Variants in CRYBG3 observed in about 807,000 individuals in gnomAD.
CRYBG3 encodes the protein crystallin beta-gamma domain containing 3.
A neutral mutation model predicts 244.2 loss-of-function variants in CRYBG3; 127 were observed. The ratio of observed to expected loss-of-function variants is 0.52; its 90% CI spans 0.45 to 0.60. CRYBG3 has a LOEUF of 0.60. Ranked by LOEUF, CRYBG3 falls within the 20% of genes least tolerant of loss-of-function variation. CRYBG3 has a pLI of 0.00. For missense variants in CRYBG3, 3,325 were observed against 3,442.5 expected, an observed-to-expected ratio of 0.97 and a Z score of 0.85; for synonymous variants, 1,132 against 1,195.8, an observed-to-expected ratio of 0.95 and a Z score of 1.10.
At chr3:97,904,851 T>C (rs1240404832) in intron 15 of CRYBG3, among the ~76,000 whole-genome samples, 2 of 151,118 alleles carry the variant, frequency 1.3e-5, no homozygotes, top group African/African-American at 4.9e-5. Flanking sequence ...ACTCGTCATC[T>C]AGCATTAGGT....
In CRYBG3 at chr3:97,875,171, A is replaced by T. The variant is rs916198588; in HGVS notation, c.3977A>T (p.Glu1326Val). Residue 1326 changes from glutamate (E) to valine (V), a missense_variant, in exon 4 of 22, where the codon GAA becomes GTA. This residue lies in a region of CRYBG3 where 635 missense variants were observed against 771.7 expected (regional missense o/e 0.82). Transcript: ENST00000389622. ...GAAAAATTGAGAAATGATACTTTTGAAGATACTGAGGATACTTGGGATTCT... is the reference window on the plus strand; with the variant it reads ...GAAAAATTGAGAAATGATACTTTTGTAGATACTGAGGATACTTGGGATTCT... ...AQEKLRNDTF[E>V]DTEDTWDSEL... is the part of the protein sequence containing the mutation. The T allele has an allele frequency of 2.1e-5, 33 of 1,535,386 alleles. No homozygotes were observed. Among genetic ancestry groups the T allele is most frequent in the Non-Finnish European group, 2.8e-5 (32 of 1,146,470 alleles).
Position 97,910,413 on chromosome 3 carries a change from AGGACCCTC to A in CRYBG3, c.8005-1753_8005-1746del, listed in dbSNP as rs577559065. On this transcript the variant is annotated intron_variant, in intron 15 of 21. Coordinates refer to ENST00000389622, the MANE Select transcript of CRYBG3 (RefSeq NM_153605.4). Reference sequence around the variant, plus strand: ...GCAATCAGCGAGACTCTGTGGGCGTAGGACCCTCCGAGCCAGGTGCAGGATATAATCTC... The same window carrying A: ...GCAATCAGCGAGACTCTGTGGGCGTACGAGCCAGGTGCAGGATATAATCTC... Among the ~76,000 whole-genome samples the A allele has an allele frequency of 6.1e-3, 935 of 152,334 alleles. 9 individuals carry two copies. Among genetic ancestry groups the A allele is most frequent in the African/African-American group, 0.017 (719 of 41,580 alleles).
intron 12 of CRYBG3, among the ~76,000 whole-genome samples, chr3:97,897,379 T>C (rs1395210775): frequency 1.3e-5 from 2 of 152,082 alleles, no homozygotes; most frequent in Non-Finnish European, 2.9e-5. Context: ...GGTGTTCTCT[T>C]AGTAGTAGGG....
At chr3:97,897,932 A>T (rs542346229) in intron 12 of CRYBG3, among the ~76,000 whole-genome samples, 112 of 152,270 alleles carry the variant, frequency 7.4e-4, no homozygotes, top group Non-Finnish European at 1.4e-3. Flanking sequence ...AAGAAATGAA[A>T]GTTTTGGGCT....
chr3:97,870,285 C>T (rs1366409293), intron 3 of CRYBG3, among the ~76,000 whole-genome samples: 1 of 152,114 alleles, frequency 6.6e-6, no homozygotes, highest in East Asian at 1.9e-4. Context: ...TTAGTCCTCA[C>T]CCTCTTCCCA....
chr3:97,937,243 T>C (rs894819799), intron 19 of CRYBG3, among the ~76,000 whole-genome samples: 2 of 152,086 alleles, frequency 1.3e-5, no homozygotes, highest in African/African-American at 4.8e-5. Context: ...GATATTCCCC[T>C]CCCTACTTAT....
Position 97,873,289 on chromosome 3 carries a change from A to G in CRYBG3, c.2095A>G (p.Lys699Glu), listed in dbSNP as rs1030471332. Reference protein sequence around the residue: ...NIVGISYQPRKCKEENVKNHV... With the variant: ...NIVGISYQPRECKEENVKNHV... The stretch of plus-strand genomic sequence containing the variant: ...TGTTGGTATTTCCTATCAGCCTAGG[A>G]AGTGTAAAGAAGAAAATGTGAAAAA... The change falls in exon 4 of 22, where the codon AAG becomes GAG. Residue 699 changes from lysine to glutamate, a missense_variant. This residue lies in a region of CRYBG3 where 1,526 missense variants were observed against 1,443.2 expected (regional missense o/e 1.06). Transcript: ENST00000389622. 1.3e-6 allele frequency: 2 copies of G among 1,535,572 alleles called. No homozygotes were observed. The highest frequency in any genetic ancestry group is 1.7e-6 in the Non-Finnish European group (2 of 1,146,722).
rs1198785679 is a variant in CRYBG3, at chr3:97,843,138, T to G, written c.150-57T>G. ...CAGTTTGAGTTTAAATACAGAAAAC[T>G]TTTAGTTTCGTAATTTTCTTTTAAT... On this transcript the variant is annotated intron_variant, in intron 1 of 21. Transcript: ENST00000389622. 4 of 1,158,516 alleles carry G rather than the reference T, an allele frequency of 3.5e-6. No individual in the cohort carries two copies. In the East Asian group the frequency reaches 7.7e-5, roughly 22 times the overall value. 71.8% of individuals were successfully genotyped at this position (1,158,516 alleles called of 1,614,324 possible).
Position 97,874,515 on chromosome 3 carries a change from C to T in CRYBG3, c.3321C>T (p.Thr1107=), listed in dbSNP as rs936232682. The change falls in exon 4 of 22, where the codon ACC becomes ACT. Residue 1107 remains threonine (T), a synonymous_variant. Coordinates refer to ENST00000389622, the MANE Select transcript of CRYBG3 (RefSeq NM_153605.4). ...TSVTNLLYPT[T]SYLEFETSVS... ...TAACTAACCTGTTGTACCCTACTACCTCTTATTTGGAATTTGAAACGTCTG... is the reference window on the plus strand; with the variant it reads ...TAACTAACCTGTTGTACCCTACTACTTCTTATTTGGAATTTGAAACGTCTG... 1 of 1,534,882 alleles carries T rather than the reference C, an allele frequency of 6.5e-7. No homozygotes were observed. Among genetic ancestry groups the T allele is most frequent in the Non-Finnish European group, 8.7e-7 (1 of 1,146,376 alleles).
chr3:97,842,659 CT>C (rs749576210), intron 1 of CRYBG3, among the ~76,000 whole-genome samples: 3 of 152,124 alleles, frequency 2.0e-5, no homozygotes, highest in Non-Finnish European at 4.4e-5. Context: ...TTAGAAGTAA[CT>C]ATTTGGGAAA....
chr3:97,864,385 T>C lies in CRYBG3; in HGVS notation c.385T>C (p.Phe129Leu). 6.5e-7 allele frequency: 1 copy of C among 1,535,930 alleles called. No individual in the cohort carries two copies. Among genetic ancestry groups the C allele is most frequent in the South Asian group, 1.2e-5 (1 of 84,032 alleles). Residue 129 changes from phenylalanine (F) to leucine (L), a missense_variant, in exon 3 of 22, where the codon TTC (phenylalanine) becomes CTC (leucine). Physicochemically the swap from Phe to Leu is conservative, Grantham distance 22 (BLOSUM62 0). Transcript: ENST00000389622. ...ESFFQFLGNL[F>L]NISGKSSLGE... The stretch of plus-strand genomic sequence containing the variant: ...CTTTTTTCAGTTTCTTGGTAACTTA[T>C]TCAATATCTCGGGGAAATCATCTCT...
chr3:97,925,248 A>G (rs1036133032), intron 17 of CRYBG3, among the ~76,000 whole-genome samples: 5 of 152,140 alleles, frequency 3.3e-5, no homozygotes, highest in Non-Finnish European at 5.9e-5. Context: ...CAGGACATCC[A>G]AAGGATGTTA....
intron 11 of CRYBG3, among the ~76,000 whole-genome samples, chr3:97,894,976 C>T (rs1339965673): frequency 2.0e-5 from 3 of 152,054 alleles, no homozygotes; most frequent in Non-Finnish European, 2.9e-5. Flanking sequence ...ATTTTGTGCC[C>T]TATGAAAACA....
chr3:97,908,344 G>T (rs890044323), intron 15 of CRYBG3, among the ~76,000 whole-genome samples: 3 of 152,120 alleles, frequency 2.0e-5, no homozygotes, highest in African/African-American at 2.4e-5. Flanking sequence ...GTTGACAGTG[G>T]GGTGTTAAAG....
Position 97,873,677 on chromosome 3 carries a change from C to T in CRYBG3, c.2483C>T (p.Ser828Leu). ...IDGQNNVLVE[S>L]HSGRGKTISL... is the part of the protein sequence containing the mutation. The stretch of plus-strand genomic sequence containing the variant: ...GGTCAGAACAATGTTCTTGTGGAGT[C>T]ACATTCTGGAAGAGGAAAAACTATA... The change falls in exon 4 of 22, where the codon TCA becomes TTA. Residue 828 changes from serine (S) to leucine (L), a missense_variant. Coordinates refer to ENST00000389622, the MANE Select transcript of CRYBG3 (RefSeq NM_153605.4). 2.0e-6 allele frequency: 3 copies of T among 1,535,720 alleles called. No homozygotes were observed. Among genetic ancestry groups the T allele is most frequent in the Admixed American group, 2.0e-5 (1 of 50,948 alleles).
intron 16 of CRYBG3, 143 bp from the exon 17 acceptor site, chr3:97,915,467 T>G: frequency 3.0e-6 from 2 of 666,744 alleles, no homozygotes; most frequent in East Asian, 2.8e-5. Flanking sequence ...GCTGTTGTGT[T>G]TTTTGTTTTT....
intron 1 of CRYBG3, among the ~76,000 whole-genome samples, chr3:97,822,677 C>A (rs547912411): frequency 6.6e-6 from 1 of 152,230 alleles, no homozygotes; most frequent in Non-Finnish European, 1.5e-5. Context: ...GTTCCACACA[C>A]GCTCTACTCT....
At chr3:97,855,542 G>C (rs1454436099) in intron 2 of CRYBG3, among the ~76,000 whole-genome samples, 1 of 152,074 alleles carries the variant, frequency 6.6e-6, no homozygotes, top group Non-Finnish European at 1.5e-5. Flanking sequence ...CAGGTTTTCT[G>C]TTTCTTCTTG....
chr3:97,920,483 GTTC>G (rs1307045586), intron 17 of CRYBG3, among the ~76,000 whole-genome samples: 5 of 151,982 alleles, frequency 3.3e-5, no homozygotes, highest in African/African-American at 1.2e-4. Context: ...TCATAGACTT[GTTC>G]TTCTTTTCTG....
Sources: allele counts gnomAD v4.1 joint callset (sites outside exome capture counted in the v4.1 genomes callset), GRCh38; gene constraint gnomAD v4.1.1; regional missense constraint gnomAD v4.1.1; transcripts MANE v1.5; gene names NCBI Gene and HGNC (gene_info 2026-07-23, HGNC 2026-07-21).